ENTREP2: variants seen among roughly 807,000 people sequenced by gnomAD.
The protein encoded by ENTREP2 is protein ENTREP2.
chr15:29,222,886 T>A, the ENTREP2 span, among the ~76,000 whole-genome samples: 1 of 152,232 alleles, frequency 6.6e-6, no homozygotes, highest in African/African-American at 2.4e-5. Flanking sequence ...TGAGTTTAAG[T>A]TTTTGTCTGG....
At chr15:29,121,425 AACCCCCAAGCCCTAGTGTGG>A in the ENTREP2 span, 2 of 152,008 alleles carry the variant, frequency 1.3e-5, no homozygotes, top group African/African-American at 4.9e-5. Context: ...ATGCTGTGTG[AACCCCCAAGCCCTAGTGTGG>A]ACCCCCCCAA....
At chr15:29,546,202 G>GA in the ENTREP2 span, among the ~76,000 whole-genome samples, 351 of 152,202 alleles carry the variant, frequency 2.3e-3, 2 homozygotes, top group African/African-American at 7.9e-3. Flanking sequence ...ATACACAAGG[G>GA]AAAGCCCTAC....
the ENTREP2 span, among the ~76,000 whole-genome samples, chr15:29,409,357 T>C: frequency 8.5e-5 from 13 of 152,136 alleles, no homozygotes; most frequent in African/African-American, 3.1e-4. Flanking sequence ...TCTTTTTTTT[T>C]TGGAGATGGA....
the ENTREP2 span, among the ~76,000 whole-genome samples, chr15:29,350,953 A>T: frequency 6.6e-6 from 1 of 152,072 alleles, no homozygotes; most frequent in Non-Finnish European, 1.5e-5. Context: ...TAAATAAATA[A>T]ATATATATAT....
chr15:29,128,567 C>T, the ENTREP2 span, among the ~76,000 whole-genome samples: 1 of 152,082 alleles, frequency 6.6e-6, no homozygotes, highest in Non-Finnish European at 1.5e-5. Flanking sequence ...AGATCTCCTG[C>T]ATATGCTGAC....
the ENTREP2 span, among the ~76,000 whole-genome samples, chr15:29,337,307 A>G: frequency 0.71 from 107,742 of 151,910 alleles, 39,229 homozygotes; most frequent in Middle Eastern, 0.83. Flanking sequence ...AAGCCTACCT[A>G]TGGATCTGTG....
chr15:29,299,878 GGGAT>G, the ENTREP2 span, among the ~76,000 whole-genome samples: 2 of 151,172 alleles, frequency 1.3e-5, no homozygotes, highest in Non-Finnish European at 2.9e-5. Flanking sequence ...GAGTAGGTGG[GGGAT>G]GGATGGATGG....
chr15:29,181,123 T>C, the ENTREP2 span, among the ~76,000 whole-genome samples: 1 of 151,940 alleles, frequency 6.6e-6, no homozygotes, highest in Admixed American at 6.6e-5. Context: ...AAAAAAGACA[T>C]AACTAGGCAT....
At chr15:29,327,331 T>C in the ENTREP2 span, among the ~76,000 whole-genome samples, 1 of 152,316 alleles carries the variant, frequency 6.6e-6, no homozygotes, top group East Asian at 1.9e-4. Context: ...GGCTCAAGCC[T>C]GTAATCCCAG....
the ENTREP2 span, among the ~76,000 whole-genome samples, chr15:29,261,813 A>G: frequency 6.6e-6 from 1 of 152,140 alleles, no homozygotes; most frequent in Non-Finnish European, 1.5e-5. Context: ...GAATATAACA[A>G]AAATACATCT....
chr15:29,143,089 T>C, the ENTREP2 span, among the ~76,000 whole-genome samples: 2 of 152,286 alleles, frequency 1.3e-5, no homozygotes, highest in African/African-American at 4.8e-5. Flanking sequence ...TGATCCCAAA[T>C]TGCTGATCCA....
the ENTREP2 span, among the ~76,000 whole-genome samples, chr15:29,652,802 T>C: frequency 6.6e-6 from 1 of 152,242 alleles, no homozygotes; most frequent in African/African-American, 2.4e-5. Context: ...CACTTGCTCA[T>C]GCACCTTGCC....
chr15:29,146,493 A>G, the ENTREP2 span, among the ~76,000 whole-genome samples: 1 of 152,188 alleles, frequency 6.6e-6, no homozygotes. Context: ...AGAAATAAAC[A>G]CGTATATCTA....
chr15:29,270,257 C>T, the ENTREP2 span, among the ~76,000 whole-genome samples: 6 of 152,152 alleles, frequency 3.9e-5, no homozygotes, highest in Non-Finnish European at 8.8e-5. Flanking sequence ...AATTTCATAC[C>T]CTCCATCCCA....
chr15:29,260,440 C>T, the ENTREP2 span, among the ~76,000 whole-genome samples: 9 of 152,150 alleles, frequency 5.9e-5, no homozygotes, highest in Admixed American at 5.9e-4. Flanking sequence ...AAATTGGATT[C>T]TACTCCGTGA....
At chr15:29,570,471 C>T in the ENTREP2 span, 29 of 1,237,854 alleles carry the variant, frequency 2.3e-5, 1 homozygote, top group South Asian at 5.8e-4. Context: ...GCGCAGTCCC[C>T]GGAGCCCGTC....
At chr15:29,132,571 C>T in the ENTREP2 span, among the ~76,000 whole-genome samples, 2 of 152,308 alleles carry the variant, frequency 1.3e-5, no homozygotes, top group South Asian at 2.1e-4. Flanking sequence ...CTGTTCTCAC[C>T]GCAGTTCTGA....
the ENTREP2 span, among the ~76,000 whole-genome samples, chr15:29,368,880 G>GA: frequency 6.2e-3 from 915 of 147,086 alleles, 13 homozygotes; most frequent in African/African-American, 0.02. Flanking sequence ...GACTCTGTCT[G>GA]AAAAAAAAAA....
chr15:29,534,710 C>T, the ENTREP2 span, among the ~76,000 whole-genome samples: 3 of 152,144 alleles, frequency 2.0e-5, no homozygotes, highest in Non-Finnish European at 4.4e-5. Flanking sequence ...AAGCCCAGGG[C>T]GAGGCATCAT....
Sources: gnomAD v4.1 joint callset for allele counts (sites outside exome capture counted in the v4.1 genomes callset) on GRCh38, gnomAD v4.1.1 for gene constraint, MANE v1.5 for transcripts, NCBI Gene and HGNC (gene_info 2026-07-23, HGNC 2026-07-21) for gene names.